MIPOL1: variants seen among roughly 807,000 people sequenced by gnomAD.
MIPOL1 encodes the protein mirror-image polydactyly gene 1 protein.
A neutral mutation model predicts 60.9 loss-of-function variants in MIPOL1; 57 were observed. That is an observed-to-expected ratio of 0.94 (90% CI 0.76 to 1.17). MIPOL1 has a LOEUF of 1.17. MIPOL1 is among the 50% of genes most tolerant of loss of function. The probability of loss-of-function intolerance (pLI) is 0.00; values close to 1 mark genes in which losing one functional copy is unlikely to be tolerated. For missense variants in MIPOL1, 551 were observed against 511.6 expected (o/e 1.08, Z -0.74); for synonymous variants, 179 against 168.8 (o/e 1.06, Z -0.47).
chr14:37,282,114 A>C (rs928041120), intron 6 of MIPOL1, among the ~76,000 whole-genome samples: 4 of 152,096 alleles, frequency 2.6e-5, no homozygotes, highest in Non-Finnish European at 5.9e-5. Flanking sequence ...CTCTGTATAT[A>C]ACACTTAAAA....
intron 3 of MIPOL1, among the ~76,000 whole-genome samples, chr14:37,264,286 CAA>C (rs1567197077): frequency 1.3e-5 from 2 of 151,770 alleles, no homozygotes; most frequent in South Asian, 4.2e-4. Context: ...CTTGAAAAGT[CAA>C]AGTGTTTCAT....
chr14:37,261,861 C>A (rs1247708800), intron 3 of MIPOL1, among the ~76,000 whole-genome samples: 3 of 152,046 alleles, frequency 2.0e-5, no homozygotes, highest in African/African-American at 7.2e-5. Context: ...ATTGTGGAGC[C>A]AGAATTCAAA....
At chr14:37,245,374 G>A (rs1973035557) in intron 1 of MIPOL1, among the ~76,000 whole-genome samples, 1 of 151,988 alleles carries the variant, frequency 6.6e-6, no homozygotes, top group African/African-American at 2.4e-5. Context: ...AAACACATTG[G>A]CACATTAATT....
At chr14:37,320,977 C>T (rs1361714647) in intron 9 of MIPOL1, among the ~76,000 whole-genome samples, 1 of 151,958 alleles carries the variant, frequency 6.6e-6, no homozygotes, top group African/African-American at 2.4e-5. Context: ...CAATAATACT[C>T]CATGGTCTTA....
At chr14:37,281,551 C>T (rs564429812) in intron 6 of MIPOL1, among the ~76,000 whole-genome samples, 42 of 152,194 alleles carry the variant, frequency 2.8e-4, no homozygotes, top group African/African-American at 8.9e-4. Context: ...ATTACTGGCA[C>T]GCACCACTAT....
intron 11 of MIPOL1, among the ~76,000 whole-genome samples, chr14:37,460,818 A>G (rs137912322): frequency 3.9e-5 from 6 of 152,326 alleles, no homozygotes; most frequent in Non-Finnish European, 7.4e-5. Flanking sequence ...AAAGACCTCT[A>G]CAAGGAGAAC....
intron 9 of MIPOL1, among the ~76,000 whole-genome samples, chr14:37,322,676 G>C (rs377500104): frequency 2.6e-5 from 4 of 151,968 alleles, no homozygotes; most frequent in African/African-American, 9.6e-5. Context: ...ATTCTAACTG[G>C]CATGAGGTGG....
chr14:37,256,304 A>G (rs1974912211), intron 3 of MIPOL1, among the ~76,000 whole-genome samples: 1 of 151,912 alleles, frequency 6.6e-6, no homozygotes, highest in Non-Finnish European at 1.5e-5. Context: ...AGAAAGAAAT[A>G]TGATAAGGGA....
intron 11 of MIPOL1, among the ~76,000 whole-genome samples, chr14:37,426,122 G>T (rs8004981): frequency 6.6e-6 from 1 of 152,080 alleles, no homozygotes; most frequent in Non-Finnish European, 1.5e-5. Flanking sequence ...AATTCTTATA[G>T]AGCAAGATTC....
intron 10 of MIPOL1, among the ~76,000 whole-genome samples, chr14:37,379,273 A>C (rs922152408): frequency 6.6e-6 from 1 of 152,132 alleles, no homozygotes; most frequent in Non-Finnish European, 1.5e-5. Context: ...AAAAGAATGC[A>C]TTTGGATCCA....
At chr14:37,518,123 A>G (rs1425767534) in intron 12 of MIPOL1, among the ~76,000 whole-genome samples, 2 of 152,200 alleles carry the variant, frequency 1.3e-5, no homozygotes, top group Non-Finnish European at 2.9e-5. Context: ...CTAAGAACAG[A>G]AATACATGCA....
intron 12 of MIPOL1, among the ~76,000 whole-genome samples, chr14:37,524,565 CTTTTCTTTTTTTTTTTTTTT>C (rs2095434793): frequency 8.0e-6 from 1 of 124,848 alleles, no homozygotes; most frequent in East Asian, 2.4e-4. Flanking sequence ...TTTTCTTTTT[CTTTTCTTTTTTTTTTTTTTT>C]GAGATGGAGT....
intron 10 of MIPOL1, among the ~76,000 whole-genome samples, chr14:37,403,108 T>C (rs2093518215): frequency 6.6e-6 from 1 of 152,228 alleles, no homozygotes; most frequent in Non-Finnish European, 1.5e-5. Flanking sequence ...CTCTCACTGC[T>C]ACCATGCTGA....
Position 37,476,300 on chromosome 14 carries a change from G to T in MIPOL1, c.1032-23608G>T, listed in dbSNP as rs189507990. Reference sequence around the variant, plus strand: ...AGTTGTTTTATTTGTTTGTTTGGTTGGTTGGTTGATTGGATGGTCTGGAAT... The same window carrying T: ...AGTTGTTTTATTTGTTTGTTTGGTTTGTTGGTTGATTGGATGGTCTGGAAT... On this transcript the variant is annotated intron_variant, in intron 11 of 12. Coordinates refer to ENST00000684589, the MANE Select transcript of MIPOL1 (RefSeq NM_001388067.1). Among the ~76,000 whole-genome samples, 151 of 151,976 alleles carry T rather than the reference G, an allele frequency of 9.9e-4. 3 individuals carry two copies. Among genetic ancestry groups the T allele is most frequent in the African/African-American group, 3.6e-3 (149 of 41,452 alleles).
chr14:37,328,437 G>GT (rs1567489924), intron 9 of MIPOL1, among the ~76,000 whole-genome samples: 1 of 151,880 alleles, frequency 6.6e-6, no homozygotes, highest in South Asian at 2.1e-4. Flanking sequence ...CATTTTTTAA[G>GT]TTTTTTTCAA....
intron 11 of MIPOL1, among the ~76,000 whole-genome samples, chr14:37,458,859 A>G (rs967645091): frequency 2.7e-5 from 4 of 150,314 alleles, no homozygotes; most frequent in Middle Eastern, 6.9e-3. Context: ...ATAAATAAAT[A>G]AATAAATAAA....
At chr14:37,528,422 T>C (rs2095460789) in intron 12 of MIPOL1, among the ~76,000 whole-genome samples, 1 of 152,032 alleles carries the variant, frequency 6.6e-6, no homozygotes, top group African/African-American at 2.4e-5. Flanking sequence ...GCAAATGGAA[T>C]TCTTGAGTTA....
chr14:37,327,225 A>T (rs559795944), intron 9 of MIPOL1, among the ~76,000 whole-genome samples: 92 of 152,318 alleles, frequency 6.0e-4, no homozygotes, highest in African/African-American at 2.2e-3. Flanking sequence ...GAAGAAATCC[A>T]GGTAAGAAAA....
intron 7 of MIPOL1, among the ~76,000 whole-genome samples, chr14:37,303,390 C>T (rs2086492907): frequency 6.6e-6 from 1 of 151,850 alleles, no homozygotes; most frequent in Non-Finnish European, 1.5e-5. Context: ...GTGTTACAAC[C>T]ATCTGCCTAC....
Sources: gnomAD v4.1 joint callset for allele counts (sites outside exome capture counted in the v4.1 genomes callset) on GRCh38, gnomAD v4.1.1 for gene constraint, MANE v1.5 for transcripts, NCBI Gene and HGNC (gene_info 2026-07-23, HGNC 2026-07-21) for gene names.